The following AKT3 variants were observed in gnomAD, a reference collection of about 807,000 sequenced individuals.
AKT3 encodes the protein RAC-gamma serine/threonine-protein kinase.
A neutral mutation model predicts 65.3 loss-of-function variants in AKT3; 15 were observed. That is an observed-to-expected ratio of 0.23 (90% confidence interval 0.15 to 0.35). The LOEUF is 0.35. Ranked by LOEUF, AKT3 falls within the 10% of genes least tolerant of loss-of-function variation. AKT3 has a pLI of 1.00. For missense variants in AKT3, 243 were observed against 576.5 expected (o/e 0.42, Z 5.92); for synonymous variants, 206 against 183.8 (o/e 1.12, Z -0.98).
rs1688702708 is a variant in AKT3, at chr1:243,750,006, A to G, written c.47-54290T>C. 2.0e-5 allele frequency among the ~76,000 whole-genome samples: 3 copies of G among 151,896 alleles called. 1 individual carries two copies. The South Asian group carries it at 6.2e-4, about 32-fold the overall frequency. On this transcript the variant is annotated intron_variant, in intron 2 of 13. Coordinates refer to ENST00000673466, the MANE Select transcript of AKT3 (RefSeq NM_005465.7). ...TTATTCTCTTCCAATCTCCCTCATA[A>G]CTCCTTCTCTGCTTTCTTCTCCTTC... is the stretch of plus-strand genomic sequence containing the variant.
At chr1:243,625,080 G>A (rs1376274854) in intron 6 of AKT3, 3 of 262,988 alleles carry the variant, frequency 1.1e-5, no homozygotes, top group East Asian at 1.8e-4. Flanking sequence ...CCACTTTAGA[G>A]ACAGAAGTGA....
chr1:243,699,301 AGTCTTGTC>A (rs1685267646), intron 2 of AKT3, among the ~76,000 whole-genome samples: 1 of 151,728 alleles, frequency 6.6e-6, no homozygotes. Flanking sequence ...TAAAATGGAA[AGTCTTGTC>A]AAAAAAGAAG....
chr1:243,530,616 G>A (rs1671458722), intron 12 of AKT3, among the ~76,000 whole-genome samples: 1 of 152,172 alleles, frequency 6.6e-6, no homozygotes, highest in South Asian at 2.1e-4. Flanking sequence ...AGAAGAGCTA[G>A]AGAAACAAGA....
intron 2 of AKT3, among the ~76,000 whole-genome samples, chr1:243,791,575 A>G (rs1416503162): frequency 6.6e-6 from 1 of 152,266 alleles, no homozygotes; most frequent in East Asian, 1.9e-4. Flanking sequence ...TTCAACATGT[A>G]TATCACAGTA....
At chr1:243,602,327 T>C (rs1480347511) in intron 8 of AKT3, among the ~76,000 whole-genome samples, 1 of 152,158 alleles carries the variant, frequency 6.6e-6, no homozygotes, top group East Asian at 1.9e-4. Context: ...GAAAAAGCAT[T>C]GGGTGAAAAA....
intron 2 of AKT3, among the ~76,000 whole-genome samples, chr1:243,750,388 CT>C (rs1239134847): frequency 6.9e-6 from 1 of 143,912 alleles, no homozygotes; most frequent in African/African-American, 2.6e-5. Flanking sequence ...CTTCTCTCCC[CT>C]CTCACATGCA....
At chr1:243,631,945 G>T (rs1679641303) in intron 6 of AKT3, among the ~76,000 whole-genome samples, 1 of 152,084 alleles carries the variant, frequency 6.6e-6, no homozygotes, top group Non-Finnish European at 1.5e-5. Flanking sequence ...TAGTTCTCTT[G>T]CTATTTCTAC....
At chr1:243,848,739 C>T (rs1460458547) in intron 1 of AKT3, among the ~76,000 whole-genome samples, 1 of 152,174 alleles carries the variant, frequency 6.6e-6, no homozygotes, top group African/African-American at 2.4e-5. Context: ...TTTACTTTAG[C>T]CTCAACTAAA....
rs780937194 is a variant in AKT3, at chr1:243,843,185, G to A, written c.-15C>T. On this transcript the variant is annotated 5_prime_UTR_variant, in exon 2 of 14. Transcript: ENST00000673466. ...ACATCGCTCATGATGACTCCCCTCT[G>A]AGCCCCCAACTTGGAGAAATGGTAC... 1 of 1,611,410 alleles carries A rather than the reference G, an allele frequency of 6.2e-7. No individual in the cohort carries two copies. The highest frequency in any genetic ancestry group is 8.5e-7 in the Non-Finnish European group (1 of 1,178,646).
chr1:243,677,701 A>G (rs1683615345), intron 3 of AKT3, among the ~76,000 whole-genome samples: 1 of 152,164 alleles, frequency 6.6e-6, no homozygotes, highest in African/African-American at 2.4e-5. Context: ...GGAGAAAAAT[A>G]AAAAGGTAGG....
At chr1:243,728,734 A>C (rs1470863293) in intron 2 of AKT3, among the ~76,000 whole-genome samples, 1 of 152,242 alleles carries the variant, frequency 6.6e-6, no homozygotes, top group Non-Finnish European at 1.5e-5. Flanking sequence ...TGAGTTTTAA[A>C]GTACGTGTCA....
chr1:243,646,096 C>T (rs915038879), intron 4 of AKT3, 59 bp from the exon 5 acceptor site: 32 of 1,425,962 alleles, frequency 2.2e-5, no homozygotes, highest in Non-Finnish European at 2.9e-5. Flanking sequence ...TAAATATTTT[C>T]CTTTTATAAA....
intron 2 of AKT3, among the ~76,000 whole-genome samples, chr1:243,816,724 C>A (rs1047192462): frequency 4.0e-5 from 6 of 151,474 alleles, no homozygotes; most frequent in African/African-American, 1.5e-4. Context: ...AAACAGAAGA[C>A]AAACTACAAA....
chr1:243,496,376 T>G (rs1457120565), downstream of AKT3, among the ~76,000 whole-genome samples: 1 of 152,188 alleles, frequency 6.6e-6, no homozygotes, highest in Non-Finnish European at 1.5e-5. Flanking sequence ...GGGGCTGCCC[T>G]GGAGCTCTGT....
intron 2 of AKT3, among the ~76,000 whole-genome samples, chr1:243,708,625 T>C (rs1048471781): frequency 2.6e-5 from 4 of 151,926 alleles, no homozygotes; most frequent in African/African-American, 9.7e-5. Context: ...GGAAGGAAAA[T>C]GCATGGAATC....
intron 12 of AKT3, 30 bp from the exon 13 acceptor site, chr1:243,512,456 A>T (rs1304992492): frequency 3.7e-6 from 5 of 1,336,816 alleles, no homozygotes; most frequent in Non-Finnish European, 5.2e-6. Flanking sequence ...GAGTTTTATT[A>T]ACTGATTTCA....
intron 2 of AKT3, among the ~76,000 whole-genome samples, chr1:243,828,114 G>A (rs532310749): frequency 2.6e-5 from 4 of 152,136 alleles, no homozygotes; most frequent in East Asian, 1.9e-4. Flanking sequence ...CAAGTATCCC[G>A]ACTGTCTATA....
intron 12 of AKT3, among the ~76,000 whole-genome samples, chr1:243,542,855 A>G (rs557936707): frequency 1.4e-4 from 21 of 152,308 alleles, no homozygotes; most frequent in Admixed American, 1.2e-3. Flanking sequence ...GCTATAATAA[A>G]GTTGCTCCTT....
chr1:243,579,458 G>A (rs1469883323), intron 8 of AKT3, among the ~76,000 whole-genome samples: 1 of 152,166 alleles, frequency 6.6e-6, no homozygotes, highest in Non-Finnish European at 1.5e-5. Flanking sequence ...ACTACAAGAA[G>A]TGAAGGGAAA....
Sources: allele counts gnomAD v4.1 joint callset (sites outside exome capture counted in the v4.1 genomes callset), GRCh38; gene constraint gnomAD v4.1.1; transcripts MANE v1.5; gene names NCBI Gene and HGNC (gene_info 2026-07-23, HGNC 2026-07-21).